Variants in GSDMC observed in about 807,000 individuals in gnomAD.
The protein encoded by GSDMC is gasdermin-C.
In GSDMC, 59 loss-of-function variants were observed where a neutral mutation model predicts 58.0. That is an observed-to-expected ratio of 1.02 (90% confidence interval 0.82 to 1.26). The LOEUF is 1.26. Ranked by LOEUF, GSDMC falls within the 50% of genes most tolerant of loss-of-function variation. GSDMC has a pLI of 0.00. For synonymous variants in GSDMC, 241 were observed against 220.2 expected (o/e 1.09, Z -0.83); for missense variants, 659 against 598.5 (o/e 1.10, Z -1.06).
intron 6 of GSDMC, among the ~76,000 whole-genome samples, chr8:129,753,866 C>T (rs2033324390): frequency 6.6e-6 from 1 of 152,164 alleles, no homozygotes; most frequent in Non-Finnish European, 1.5e-5. Flanking sequence ...CTGGCAGAAC[C>T]CCTCATGGGC....
At chr8:129,728,979 C>T in the GSDMC span, 1 of 668,424 alleles carries the variant, frequency 1.5e-6, no homozygotes, top group South Asian at 1.5e-5. Flanking sequence ...GGAGCAGGAG[C>T]TGCGGGAGAC....
rs1382933593 is a variant in GSDMC at position 129,786,031 on chromosome 8, C to G, written c.-25G>C. Reference sequence around the variant, plus strand: ...CTTACCAGATTATATATCCCTTTGTCCTGTAGAGAAATAGCAGGATTGGCC... The same window carrying G: ...CTTACCAGATTATATATCCCTTTGTGCTGTAGAGAAATAGCAGGATTGGCC... On this transcript the variant is annotated 5_prime_UTR_variant, in exon 1 of 14. Coordinates refer to ENST00000276708, the MANE Select transcript of GSDMC (RefSeq NM_031415.3). 1 of 152,094 alleles carries G rather than the reference C, an allele frequency of 6.6e-6. No individual in the cohort carries two copies. The highest frequency in any genetic ancestry group is 1.5e-5 in the Non-Finnish European group (1 of 68,042). 9.4% of individuals were successfully genotyped at this position (152,094 alleles called of 1,614,324 possible). A position where few individuals can be genotyped will look rare whatever the true frequency, so the allele number is the denominator to read the frequency against.
At chr8:129,712,667 TG>T in the GSDMC span, among the ~76,000 whole-genome samples, 2 of 152,238 alleles carry the variant, frequency 1.3e-5, no homozygotes, top group South Asian at 4.2e-4. Flanking sequence ...AACAAGGGCT[TG>T]GGCATAGAGA....
In GSDMC at chr8:129,748,796, G is replaced by A. The variant is rs1032490508; in HGVS notation, c.1288-56C>T. On this transcript the variant is annotated intron_variant, in intron 13 of 13. Coordinates refer to ENST00000276708, the MANE Select transcript of GSDMC (RefSeq NM_031415.3). ...CAGCCTTTAAGATGAGGAAGAGAAG[G>A]CTTCTGCCCCAGTATCCAGGGGCCA... The A allele has an allele frequency of 5.7e-5, 81 of 1,425,460 alleles. No individual in the cohort carries two copies. In the East Asian group the frequency reaches 8.6e-4, roughly 15 times the overall value. The allele number at this position is 1,425,460 out of a possible 1,614,324, so 88.3% of individuals were successfully genotyped here.
In GSDMC at chr8:129,761,397, C is replaced by A. The variant is rs189669442; in HGVS notation, c.677-808G>T. Among the ~76,000 whole-genome samples the A allele has an allele frequency of 1.4e-3, 217 of 152,278 alleles. 1 individual carries two copies. The highest frequency in any genetic ancestry group is 5.0e-3 in the African/African-American group (208 of 41,558). On this transcript the variant is annotated intron_variant, in intron 5 of 13. Transcript: ENST00000276708. ...CTCACAGCCAACTTCCTTCAAGAATCAGCTACACACTGGGTCCTCACTTCC... is the reference window on the plus strand; with the variant it reads ...CTCACAGCCAACTTCCTTCAAGAATAAGCTACACACTGGGTCCTCACTTCC...
At chr8:129,728,867 C>T in the GSDMC span, 1,794 of 637,054 alleles carry the variant, frequency 2.8e-3, 28 homozygotes, top group African/African-American at 0.026. Flanking sequence ...TCGCCTGGGG[C>T]GGGCTCTTGT....
At chr8:129,781,415 T>C (rs1463725713) in intron 1 of GSDMC, among the ~76,000 whole-genome samples, 2 of 152,150 alleles carry the variant, frequency 1.3e-5, no homozygotes, top group African/African-American at 2.4e-5. Flanking sequence ...TAGATTCAGA[T>C]TAGAGCTAAA....
In GSDMC at chr8:129,764,758, T is replaced by C. The variant is rs189638417; in HGVS notation, c.570+870A>G. Among the ~76,000 whole-genome samples, 55 of 152,310 alleles carry C rather than the reference T, an allele frequency of 3.6e-4. No individual in the cohort carries two copies. In the South Asian group the frequency reaches 7.5e-3, roughly 21 times the overall value. ...CATCTACCATATTCCCACACACATT[T>C]TTTAAAAAATTAAAAAGATTTCCAG... On this transcript the variant is annotated intron_variant, in intron 4 of 13. Coordinates refer to ENST00000276708, the MANE Select transcript of GSDMC (RefSeq NM_031415.3).
intron 4 of GSDMC, among the ~76,000 whole-genome samples, chr8:129,765,288 G>A (rs2033815812): frequency 6.6e-6 from 1 of 151,998 alleles, no homozygotes; most frequent in Non-Finnish European, 1.5e-5. Context: ...ATTTCTTCCA[G>A]CCATAAAACT....
chr8:129,712,886 G>A, the GSDMC span, among the ~76,000 whole-genome samples: 4 of 152,250 alleles, frequency 2.6e-5, no homozygotes, highest in South Asian at 8.3e-4. Context: ...ACGAGGCTGA[G>A]AGGTTCCAGC....
At chr8:129,710,715 G>T in the GSDMC span, among the ~76,000 whole-genome samples, 713 of 152,310 alleles carry the variant, frequency 4.7e-3, 7 homozygotes, top group African/African-American at 0.015. Flanking sequence ...ATAAATGTTT[G>T]CTGGATGAAT....
chr8:129,727,209 T>C, the GSDMC span, among the ~76,000 whole-genome samples: 1 of 152,336 alleles, frequency 6.6e-6, no homozygotes, highest in East Asian at 1.9e-4. Context: ...ACGATGGACA[T>C]ATAAGGACAT....
chr8:129,761,001 G>A (rs1446083579), intron 5 of GSDMC, among the ~76,000 whole-genome samples: 5 of 152,274 alleles, frequency 3.3e-5, no homozygotes, highest in African/African-American at 9.6e-5. Context: ...TTCAACAGGG[G>A]AAAGAGCCTA....
chr8:129,751,968 G>A, intron 8 of GSDMC, 77 bp from the exon 9 acceptor site: 1 of 1,496,162 alleles, frequency 6.7e-7, no homozygotes, highest in East Asian at 2.3e-5. Context: ...TTCTTTCCCT[G>A]AACCACTCTT....
chr8:129,776,734 TTTG>T (rs1363763116), intron 2 of GSDMC, among the ~76,000 whole-genome samples: 1 of 130,520 alleles, frequency 7.7e-6, no homozygotes, highest in Non-Finnish European at 1.6e-5. Context: ...TTGTTTGGTT[TTTG>T]CTGTTGTTGT....
chr8:129,747,955 C>CAA (rs1177493665), downstream of GSDMC, among the ~76,000 whole-genome samples: 1 of 152,020 alleles, frequency 6.6e-6, no homozygotes, highest in Admixed American at 6.5e-5. Flanking sequence ...CATACACACA[C>CAA]ACACACACGT....
intron 4 of GSDMC, among the ~76,000 whole-genome samples, chr8:129,763,062 T>A (rs999224602): frequency 2.6e-5 from 4 of 152,220 alleles, no homozygotes; most frequent in Non-Finnish European, 4.4e-5. Context: ...AACATCCCCA[T>A]GTTCAAGTTA....
the GSDMC span, among the ~76,000 whole-genome samples, chr8:129,737,740 A>G: frequency 2.0e-5 from 3 of 152,260 alleles, no homozygotes; most frequent in African/African-American, 7.2e-5. Context: ...ACCATTCAGG[A>G]CATAGGCATG....
intron 5 of GSDMC, among the ~76,000 whole-genome samples, chr8:129,762,331 G>T (rs944170710): frequency 1.3e-5 from 2 of 152,124 alleles, no homozygotes; most frequent in African/African-American, 4.8e-5. Context: ...TCAGGATTAG[G>T]GTTGGAATTT....
Sources: gnomAD v4.1 joint callset for allele counts (sites outside exome capture counted in the v4.1 genomes callset) on GRCh38, gnomAD v4.1.1 for gene constraint, MANE v1.5 for transcripts, NCBI Gene and HGNC (gene_info 2026-07-23, HGNC 2026-07-21) for gene names.